The following TTC39B variants were observed in gnomAD, a reference collection of about 807,000 sequenced individuals.
TTC39B encodes the protein tetratricopeptide repeat domain 39B, also known as tetratricopeptide repeat protein 39B.
A neutral mutation model predicts 96.6 loss-of-function variants in TTC39B; 92 were observed. The observed-to-expected ratio is 0.95, with a 90% confidence interval of 0.80 to 1.13. The LOEUF is 1.13. Among genes scored for constraint, TTC39B ranks in the 50% most tolerant of loss-of-function variants. The pLI, the probability that TTC39B is intolerant of heterozygous loss-of-function variation, is 0.00. For synonymous variants in TTC39B, 367 were observed against 299.4 expected, an observed-to-expected ratio of 1.23 and a Z score of -2.33; for missense variants, 955 against 809.3, an observed-to-expected ratio of 1.18 and a Z score of -2.18.
At chr9:15,258,542 G>C (rs1485795361) in intron 2 of TTC39B, among the ~76,000 whole-genome samples, 4 of 152,210 alleles carry the variant, frequency 2.6e-5, no homozygotes, top group Non-Finnish European at 4.4e-5. Context: ...GCCCAAGACA[G>C]CAGCAGGGAG....
chr9:15,220,006 C>T (rs527376308), intron 3 of TTC39B, among the ~76,000 whole-genome samples: 79 of 152,296 alleles, frequency 5.2e-4, no homozygotes, highest in African/African-American at 1.7e-3. Context: ...AGAATTTGAT[C>T]TCCATACGTC....
chr9:15,297,774 G>A (rs1824433499), intron 1 of TTC39B, among the ~76,000 whole-genome samples: 1 of 151,964 alleles, frequency 6.6e-6, no homozygotes, highest in Non-Finnish European at 1.5e-5. Context: ...CTAAAATACT[G>A]CTTGCTCCCC....
intron 17 of TTC39B, among the ~76,000 whole-genome samples, chr9:15,179,138 G>A (rs949348788): frequency 1.3e-5 from 2 of 152,124 alleles, no homozygotes; most frequent in East Asian, 3.9e-4. Context: ...ACCATATTAC[G>A]TGTGACATCT....
At chr9:15,290,435 A>G (rs1587017624) in intron 1 of TTC39B, among the ~76,000 whole-genome samples, 1 of 152,288 alleles carries the variant, frequency 6.6e-6, no homozygotes, top group East Asian at 1.9e-4. Flanking sequence ...CTCACAAGGA[A>G]ATGCCTTGTG....
intron 2 of TTC39B, among the ~76,000 whole-genome samples, chr9:15,231,141 T>C (rs1001605503): frequency 6.6e-6 from 1 of 152,190 alleles, no homozygotes; most frequent in Non-Finnish European, 1.5e-5. Context: ...ACTACTAGAC[T>C]GTTTTCCAAA....
chr9:15,171,054 G>C (rs1320176578), exon 20 of TTC39B: 2 of 152,174 alleles, frequency 1.3e-5, no homozygotes, highest in South Asian at 4.1e-4. Context: ...ACCATATGGA[G>C]TGTCAAGCTC....
intron 1 of TTC39B, among the ~76,000 whole-genome samples, chr9:15,282,952 C>G (rs887711830): frequency 1.6e-4 from 24 of 152,130 alleles, no homozygotes; most frequent in African/African-American, 5.3e-4. Context: ...TCAAACTGAG[C>G]CAGAGCTGTA....
At chr9:15,186,139 T>A (rs534674822) in intron 15 of TTC39B, among the ~76,000 whole-genome samples, 2 of 152,294 alleles carry the variant, frequency 1.3e-5, no homozygotes, top group South Asian at 4.1e-4. Context: ...TTCAAGGCAA[T>A]ACTCAATTAC....
chr9:15,225,250 A>G (rs1359200096), intron 3 of TTC39B, among the ~76,000 whole-genome samples: 3 of 152,168 alleles, frequency 2.0e-5, no homozygotes, highest in African/African-American at 7.2e-5. Flanking sequence ...ATTTAATATG[A>G]TTCCAATTAA....
intron 1 of TTC39B, among the ~76,000 whole-genome samples, chr9:15,272,989 G>A (rs190089035): frequency 2.6e-4 from 39 of 152,278 alleles, no homozygotes; most frequent in Middle Eastern, 3.4e-3. Context: ...CATCCTGATC[G>A]TAGAACTGAC....
chr9:15,208,379 T>C (rs1016413851), intron 6 of TTC39B, among the ~76,000 whole-genome samples: 2 of 151,642 alleles, frequency 1.3e-5, no homozygotes, highest in African/African-American at 4.9e-5. Flanking sequence ...CATGCCAAAA[T>C]GCAGCTAAAA....
chr9:15,209,305 A>G (rs1382989231), intron 6 of TTC39B, among the ~76,000 whole-genome samples: 1 of 152,216 alleles, frequency 6.6e-6, no homozygotes, highest in Non-Finnish European at 1.5e-5. Context: ...TGACAGCAAC[A>G]GGGGTCATTT....
chr9:15,232,858 G>A (rs1292927472), intron 2 of TTC39B, among the ~76,000 whole-genome samples: 1 of 152,208 alleles, frequency 6.6e-6, no homozygotes, highest in Non-Finnish European at 1.5e-5. Context: ...CACTTCATTG[G>A]AATCAGCCTC....
chr9:15,215,511 T>C (rs1820464719), intron 3 of TTC39B, among the ~76,000 whole-genome samples: 1 of 149,444 alleles, frequency 6.7e-6, no homozygotes, highest in Admixed American at 6.7e-5. Flanking sequence ...GAGCCAAGAT[T>C]GCACCACTGT....
At chr9:15,282,697 A>G (rs936062265) in intron 1 of TTC39B, among the ~76,000 whole-genome samples, 2 of 152,206 alleles carry the variant, frequency 1.3e-5, no homozygotes, top group Non-Finnish European at 2.9e-5. Flanking sequence ...TGCTCTTCAT[A>G]AAAACCCTCG....
At chr9:15,171,078 G>A (rs1817636311) in exon 20 of TTC39B, 1 of 152,168 alleles carries the variant, frequency 6.6e-6, no homozygotes, top group Non-Finnish European at 1.5e-5. Flanking sequence ...TCTGCTCTAT[G>A]CCCTGATTCT....
intron 2 of TTC39B, among the ~76,000 whole-genome samples, chr9:15,254,828 T>TAC (rs35980691): frequency 0.047 from 6,781 of 143,764 alleles, 197 homozygotes; most frequent in Middle Eastern, 0.093. Context: ...CATAACTTTA[T>TAC]ACACACACAC....
chr9:15,187,602 G>C (rs368025127), intron 14 of TTC39B, among the ~76,000 whole-genome samples: 2 of 152,282 alleles, frequency 1.3e-5, no homozygotes, highest in East Asian at 3.9e-4. Flanking sequence ...AGGGACTATA[G>C]ACATGTACCA....
chr9:15,276,369 T>C (rs1021750983), intron 1 of TTC39B, among the ~76,000 whole-genome samples: 3 of 152,166 alleles, frequency 2.0e-5, no homozygotes, highest in Non-Finnish European at 2.9e-5. Flanking sequence ...TCTGGAGTTA[T>C]CTTCTGTAAA....
Sources: allele counts gnomAD v4.1 joint callset (sites outside exome capture counted in the v4.1 genomes callset), GRCh38; gene constraint gnomAD v4.1.1; transcripts MANE v1.5; gene names NCBI Gene and HGNC (gene_info 2026-07-23, HGNC 2026-07-21).